Variants in KAZN observed in about 807,000 individuals in gnomAD.
KAZN encodes kazrin.
A neutral mutation model predicts 87.4 loss-of-function variants in KAZN; 40 were observed. The observed-to-expected ratio is 0.46, with a 90% CI of 0.36 to 0.60. The LOEUF (loss-of-function observed/expected upper bound fraction) is 0.60. KAZN is among the 20% of genes least tolerant of loss of function. The probability of loss-of-function intolerance (pLI) is 0.00; values close to 1 mark genes in which losing one functional copy is unlikely to be tolerated. For missense variants in KAZN, 898 were observed against 1,073.9 expected (o/e 0.84, Z 2.29); for synonymous variants, 466 against 458.3 (o/e 1.02, Z -0.22).
intron 1 of KAZN, among the ~76,000 whole-genome samples, chr1:14,048,592 C>G (rs1642178293): frequency 1.3e-5 from 2 of 151,990 alleles, no homozygotes; most frequent in Admixed American, 6.6e-5. Context: ...TTAGTAGAGA[C>G]AGGGTTTCAC....
At chr1:14,544,450 A>T (rs1673016138) in intron 2 of KAZN, among the ~76,000 whole-genome samples, 1 of 143,180 alleles carries the variant, frequency 7.0e-6, no homozygotes, top group Admixed American at 7.5e-5. Context: ...GGAGGGGAGG[A>T]TCAGAATGTA....
In KAZN at chr1:15,065,824, G is replaced by A. The variant is rs754179637; in HGVS notation, c.1222+71G>A. 6.2e-5 allele frequency: 99 copies of A among 1,587,714 alleles called. 1 individual carries two copies. Among genetic ancestry groups the A allele is most frequent in the East Asian group, 1.8e-4 (8 of 44,342 alleles). On this transcript the variant is annotated intron_variant, in intron 8 of 14. Transcript: ENST00000376030. ...ACGCGCTCCCCTGCGCCTGCTGCCC[G>A]CAGGCGTGTCTGTGCGTGTGGGCGT...
intron 2 of KAZN, among the ~76,000 whole-genome samples, chr1:14,486,126 G>C (rs1368354518): frequency 6.6e-6 from 1 of 152,158 alleles, no homozygotes; most frequent in Non-Finnish European, 1.5e-5. Flanking sequence ...GGGCTCGCCT[G>C]CCCTGCATCA....
chr1:15,102,920 G>C (rs889655384), intron 11 of KAZN, among the ~76,000 whole-genome samples: 4 of 152,204 alleles, frequency 2.6e-5, no homozygotes, highest in Non-Finnish European at 5.9e-5. Flanking sequence ...CCAGTCCCCA[G>C]TCTGCCAAGG....
At chr1:14,588,299 G>A (rs1054829701) in intron 2 of KAZN, among the ~76,000 whole-genome samples, 2 of 152,196 alleles carry the variant, frequency 1.3e-5, no homozygotes, top group African/African-American at 4.8e-5. Flanking sequence ...ATTCAAGAAA[G>A]AAAAGAGGTA....
intron 2 of KAZN, among the ~76,000 whole-genome samples, chr1:14,534,424 C>T (rs773911288): frequency 5.9e-5 from 9 of 152,162 alleles, no homozygotes; most frequent in Non-Finnish European, 8.8e-5. Flanking sequence ...GCAGGCAGAT[C>T]GCCTGAGGTC....
chr1:14,579,085 C>G (rs889161109), intron 2 of KAZN, among the ~76,000 whole-genome samples: 1 of 152,116 alleles, frequency 6.6e-6, no homozygotes, highest in African/African-American at 2.4e-5. Context: ...AGAAGAGAAA[C>G]GTAGCACTCC....
At chr1:14,637,918 G>A (rs561311538) in intron 1 of KAZN, among the ~76,000 whole-genome samples, 3 of 152,200 alleles carry the variant, frequency 2.0e-5, no homozygotes, top group Middle Eastern at 3.4e-3. Context: ...GGTGCCAGCA[G>A]GGTTGGCTCA....
At chr1:14,151,084 C>G (rs988355233) in intron 1 of KAZN, among the ~76,000 whole-genome samples, 5 of 152,118 alleles carry the variant, frequency 3.3e-5, no homozygotes, top group Non-Finnish European at 5.9e-5. Context: ...TGAGGTCACA[C>G]TTTTAATGCA....
At chr1:14,837,228 C>A (rs1192473037) in intron 1 of KAZN, among the ~76,000 whole-genome samples, 1 of 152,118 alleles carries the variant, frequency 6.6e-6, no homozygotes, top group Non-Finnish European at 1.5e-5. Context: ...GACTGAGTTT[C>A]GCTGTTGTTG....
intron 8 of KAZN, among the ~76,000 whole-genome samples, chr1:15,087,117 A>G (rs1640293935): frequency 6.6e-6 from 1 of 152,260 alleles, no homozygotes. Context: ...AAATGGAATG[A>G]GAAAACAAAC....
chr1:14,930,730 A>C (rs908688656), intron 1 of KAZN, among the ~76,000 whole-genome samples: 2 of 152,188 alleles, frequency 1.3e-5, no homozygotes, highest in African/African-American at 4.8e-5. Context: ...TTTCCTTGTC[A>C]GCTGACGATT....
chr1:14,952,037 C>CTCAGGG (rs1438029700), intron 1 of KAZN, among the ~76,000 whole-genome samples: 3 of 152,140 alleles, frequency 2.0e-5, no homozygotes, highest in African/African-American at 7.2e-5. Context: ...CGGGGACCAC[C>CTCAGGG]GCAACCCTAC....
intron 1 of KAZN, among the ~76,000 whole-genome samples, chr1:14,618,028 A>G (rs1374293950): frequency 1.3e-5 from 2 of 152,176 alleles, no homozygotes; most frequent in African/African-American, 4.8e-5. Context: ...ACAGACCCTC[A>G]GTTAATTTCT....
chr1:14,455,061 A>C (rs35314817), intron 2 of KAZN, among the ~76,000 whole-genome samples: 1 of 151,446 alleles, frequency 6.6e-6, no homozygotes, highest in African/African-American at 2.4e-5. Context: ...TCCCCAGAGA[A>C]AGAGATCCAA....
At chr1:14,594,973 C>T (rs563312357), upstream of KAZN, among the ~76,000 whole-genome samples, 6 of 152,054 alleles carry the variant, frequency 3.9e-5, no homozygotes, top group East Asian at 5.8e-4. Flanking sequence ...GGTGAAACCC[C>T]GTCTCTACTA....
rs368212955 is a variant in KAZN at position 14,622,561 on chromosome 1, G to A, written c.226+23338G>A. Among the ~76,000 whole-genome samples the A allele has an allele frequency of 1.2e-4, 18 of 151,876 alleles. 3 individuals are homozygous for A. Among genetic ancestry groups the A allele is most frequent in the Admixed American group, 5.9e-4 (9 of 15,270 alleles). On this transcript the variant is annotated intron_variant, in intron 1 of 14. Coordinates refer to ENST00000376030, the MANE Select transcript of KAZN (RefSeq NM_201628.3). Reference sequence around the variant, plus strand: ...AAAAAATTAGCCGGGCGTGGTGGCGGGTGCCTGTATTCCCAGCTACTCAGG... The same window carrying A: ...AAAAAATTAGCCGGGCGTGGTGGCGAGTGCCTGTATTCCCAGCTACTCAGG...
chr1:14,168,223 A>G (rs1420760250), intron 1 of KAZN, among the ~76,000 whole-genome samples: 1 of 152,318 alleles, frequency 6.6e-6, no homozygotes, highest in East Asian at 1.9e-4. Flanking sequence ...ACTTTATTGT[A>G]ACGCATTTTC....
chr1:14,760,333 T>A (rs1024954156), intron 1 of KAZN, among the ~76,000 whole-genome samples: 31 of 152,242 alleles, frequency 2.0e-4, no homozygotes, highest in Non-Finnish European at 1.5e-5. Flanking sequence ...CATTAACTTT[T>A]ATTCAGCACT....
Sources: gnomAD v4.1 joint callset for allele counts (sites outside exome capture counted in the v4.1 genomes callset) on GRCh38, gnomAD v4.1.1 for gene constraint, MANE v1.5 for transcripts, NCBI Gene and HGNC (gene_info 2026-07-23, HGNC 2026-07-21) for gene names.